The following PHAF1 variants were observed in gnomAD, a reference collection of about 807,000 sequenced individuals.
PHAF1 encodes the protein phagosome assembly factor 1.
PHAF1 carries 23 observed loss-of-function variants against 63.1 expected under a neutral mutation model. That is an observed-to-expected ratio of 0.36 (90% CI 0.26 to 0.52). PHAF1 has a LOEUF of 0.52. PHAF1 is among the 20% of genes least tolerant of loss of function. The pLI is 0.93. For missense variants in PHAF1, 427 were observed against 517.2 expected, an observed-to-expected ratio of 0.83 and a Z score of 1.69; for synonymous variants, 167 against 185.0, an observed-to-expected ratio of 0.90 and a Z score of 0.79.
rs1481604696 is a variant in PHAF1, at chr16:67,148,300, C to T, written c.*1169C>T. 3 of 152,578 alleles carry T rather than the reference C, an allele frequency of 2.0e-5. No individual in the cohort carries two copies. The highest frequency in any genetic ancestry group is 2.9e-5 in the Non-Finnish European group (2 of 68,068). 9.5% of individuals were successfully genotyped at this position (152,578 alleles called of 1,614,324 possible). On this transcript the variant is annotated 3_prime_UTR_variant, in exon 16 of 16. Coordinates refer to ENST00000219139, the MANE Select transcript of PHAF1 (RefSeq NM_025187.5). ...CTCAGGCTCCTATATGGTTCCTGGG[C>T]CTTATAGCCAGGTTTGTGTGGCGCT... is the stretch of plus-strand genomic sequence containing the variant.
At chr16:67,116,108 A>G (rs961402788) in intron 1 of PHAF1, among the ~76,000 whole-genome samples, 2 of 152,234 alleles carry the variant, frequency 1.3e-5, no homozygotes, top group African/African-American at 2.4e-5. Context: ...ATGTTTGTCC[A>G]TTCCTCCTGG....
chr16:67,139,808 T>G (rs1249650005), intron 8 of PHAF1, 176 bp from the exon 9 acceptor site: 2 of 649,330 alleles, frequency 3.1e-6, no homozygotes, highest in East Asian at 5.2e-5. Flanking sequence ...TTATTTTGAA[T>G]AGCGATCTCT....
intron 14 of PHAF1, among the ~76,000 whole-genome samples, chr16:67,145,945 C>A (rs2030019675): frequency 6.6e-6 from 1 of 152,106 alleles, no homozygotes; most frequent in Admixed American, 6.5e-5. Context: ...TCCCTTTGAG[C>A]TTTGAGCTGC....
intron 11 of PHAF1, 23 bp downstream of exon 11, chr16:67,144,399 C>A: frequency 6.5e-7 from 1 of 1,543,758 alleles, no homozygotes; most frequent in South Asian, 1.1e-5. Context: ...GTCTGTACCT[C>A]CCCTCTGTGA....
chr16:67,121,358 AT>A (rs573059769), intron 2 of PHAF1, among the ~76,000 whole-genome samples: 18,484 of 132,944 alleles, frequency 0.14, 3,937 homozygotes, highest in African/African-American at 0.47. Context: ...CACCCAGCTA[AT>A]TTTTTTTTTT....
chr16:67,125,853 C>A, intron 2 of PHAF1, 106 bp from the exon 3 acceptor site: 3 of 808,714 alleles, frequency 3.7e-6, no homozygotes, highest in Non-Finnish European at 4.1e-6. Context: ...GAGGGACTGT[C>A]TGCACTTAGA....
chr16:67,144,701 A>G, intron 11 of PHAF1, 133 bp from the exon 12 acceptor site: 15 of 1,027,508 alleles, frequency 1.5e-5, no homozygotes, highest in Non-Finnish European at 2.2e-5. Context: ...CCCAGTGAAC[A>G]CTGTCAGGCA....
chr16:67,148,045 A>T lies in PHAF1; in HGVS notation c.*914A>T, dbSNP rs1387158993. ...TTCATGGGTCTTGCTAATGGAAAGT[A>T]GCATATATGTGCTTTAAAAATATTA... On this transcript the variant is annotated 3_prime_UTR_variant, in exon 16 of 16. Transcript: ENST00000219139. 1.3e-5 allele frequency: 2 copies of T among 152,686 alleles called. No individual in the cohort carries two copies. Among genetic ancestry groups the T allele is most frequent in the African/African-American group, 4.8e-5 (2 of 41,472 alleles). 9.5% of individuals were successfully genotyped at this position (152,686 alleles called of 1,614,324 possible). A position where few individuals can be genotyped will look rare whatever the true frequency, so the allele number is the denominator to read the frequency against.
At chr16:67,117,142 C>T (rs1412227420) in intron 1 of PHAF1, among the ~76,000 whole-genome samples, 4 of 151,540 alleles carry the variant, frequency 2.6e-5, no homozygotes, top group Admixed American at 2.6e-4. Context: ...AAGCAATTCT[C>T]CTGACTCAGC....
chr16:67,137,506 A>G (rs991560429), intron 8 of PHAF1, among the ~76,000 whole-genome samples: 1 of 152,034 alleles, frequency 6.6e-6, no homozygotes, highest in Non-Finnish European at 1.5e-5. Flanking sequence ...TTTAGTAGAG[A>G]TGGGGTTTCA....
At chr16:67,140,766 C>A (rs1963780492) in intron 10 of PHAF1, among the ~76,000 whole-genome samples, 172 bp downstream of exon 10, 1 of 152,198 alleles carries the variant, frequency 6.6e-6, no homozygotes, top group Non-Finnish European at 1.5e-5. Flanking sequence ...CCAAAGTAGA[C>A]CTTGCCTGCA....
intron 2 of PHAF1, among the ~76,000 whole-genome samples, chr16:67,122,299 G>A (rs1963011581): frequency 6.6e-6 from 1 of 152,148 alleles, no homozygotes; most frequent in Non-Finnish European, 1.5e-5. Flanking sequence ...TATCTTCTGA[G>A]CAACTTTAAC....
intron 10 of PHAF1, 96 bp from the exon 11 acceptor site, chr16:67,144,198 G>A: frequency 1.2e-6 from 1 of 801,920 alleles, no homozygotes; most frequent in Admixed American, 1.9e-5. Flanking sequence ...TTGCTGTGGA[G>A]TGCACTGGAT....
At chr16:67,124,300 A>G (rs1452058661) in intron 2 of PHAF1, among the ~76,000 whole-genome samples, 1 of 152,230 alleles carries the variant, frequency 6.6e-6, no homozygotes. Context: ...TCATTGTTCC[A>G]TTATCTTGCT....
intron 4 of PHAF1, chr16:67,132,171 G>A (rs1400926546): frequency 9.9e-6 from 3 of 303,186 alleles, no homozygotes; most frequent in Non-Finnish European, 1.8e-5. Flanking sequence ...CATACCTCAG[G>A]GTCTGGTGGC....
intron 1 of PHAF1, among the ~76,000 whole-genome samples, chr16:67,115,594 T>C (rs1366211633): frequency 6.6e-6 from 1 of 152,248 alleles, no homozygotes; most frequent in Non-Finnish European, 1.5e-5. Context: ...AGGCAAGTGC[T>C]GAGATCTGTG....
chr16:67,110,362 C>T (rs1962461506), intron 1 of PHAF1, 123 bp downstream of exon 1: 2 of 1,107,212 alleles, frequency 1.8e-6, no homozygotes, highest in Middle Eastern at 4.7e-4. Context: ...TTCGTCCTCT[C>T]GGCTCGCTGG....
At chr16:67,126,063 A>C (rs1963176046) in intron 3 of PHAF1, 21 bp downstream of exon 3, 6 of 1,556,666 alleles carry the variant, frequency 3.9e-6, no homozygotes, top group South Asian at 1.1e-5. Flanking sequence ...ATGACAACTA[A>C]TGTTTCATGT....
intron 1 of PHAF1, among the ~76,000 whole-genome samples, chr16:67,118,016 G>A (rs371758709): frequency 2.0e-5 from 3 of 147,554 alleles, no homozygotes; most frequent in Admixed American, 6.8e-5. Context: ...GTGCAGTGGC[G>A]CAATCTTGGC....
Sources: gnomAD v4.1 joint callset for allele counts (sites outside exome capture counted in the v4.1 genomes callset) on GRCh38, gnomAD v4.1.1 for gene constraint, MANE v1.5 for transcripts, NCBI Gene and HGNC (gene_info 2026-07-23, HGNC 2026-07-21) for gene names.